ACER3: variants seen among roughly 807,000 people sequenced by gnomAD.
ACER3 encodes the protein alkCDase 3.
ACER3 carries 16 observed loss-of-function variants against 48.9 expected under a neutral mutation model. The observed-to-expected ratio is 0.33, with a 90% CI of 0.22 to 0.50. The LOEUF (loss-of-function observed/expected upper bound fraction) is 0.50, where lower values mean the gene tolerates loss of function less well. Among genes scored for constraint, ACER3 ranks in the 20% least tolerant of loss-of-function variants. The pLI is 0.98. For synonymous variants in ACER3, 109 were observed against 107.8 expected, an observed-to-expected ratio of 1.01 and a Z score of -0.07; for missense variants, 227 against 326.0, an observed-to-expected ratio of 0.70 and a Z score of 2.34.
At chr11:76,914,647 A>G (rs1946474238) in intron 1 of ACER3, among the ~76,000 whole-genome samples, 1 of 152,204 alleles carries the variant, frequency 6.6e-6, no homozygotes, top group African/African-American at 2.4e-5. Context: ...GCGATTCCTC[A>G]AGGATCTAGA....
At position 77,025,484 on chromosome 11, in the gene ACER3, T is replaced by G. The variant is rs1244642006; in HGVS notation, c.*5157T>G. 1.3e-5 allele frequency: 2 copies of G among 151,198 alleles called. No individual in the cohort carries two copies. The highest frequency in any genetic ancestry group is 4.9e-5 in the African/African-American group (2 of 40,924). 9.4% of individuals were successfully genotyped at this position (151,198 alleles called of 1,614,324 possible). A position where few individuals can be genotyped will look rare whatever the true frequency, so the allele number is the denominator to read the frequency against. ...GTGCAGTGGCAGGATCTCAACTCAT[T>G]GCAACCTCCGCCTCCCAAGGTTCAA... is the stretch of plus-strand genomic sequence containing the variant. On this transcript the variant is annotated 3_prime_UTR_variant, in exon 11 of 11. Transcript: ENST00000532485.
chr11:76,958,963 A>G lies in ACER3; in HGVS notation c.215-16A>G. 1.2e-6 allele frequency: 2 copies of G among 1,613,710 alleles called. No individual in the cohort carries two copies. The highest frequency in any genetic ancestry group is 1.7e-6 in the Non-Finnish European group (2 of 1,179,852). ...AAGAATTTCATGCTAATTTTTTTTCATTTGTTTAATTTCAGTGGTAGGAAT... is the reference window on the plus strand; with the variant it reads ...AAGAATTTCATGCTAATTTTTTTTCGTTTGTTTAATTTCAGTGGTAGGAAT... On this transcript the variant is annotated splice_polypyrimidine_tract_variant and intron_variant, in intron 2 of 10. Coordinates refer to ENST00000532485, the MANE Select transcript of ACER3 (RefSeq NM_018367.7).
chr11:76,908,741 A>G (rs564887941), intron 1 of ACER3, among the ~76,000 whole-genome samples: 3 of 152,312 alleles, frequency 2.0e-5, no homozygotes, highest in Admixed American at 6.5e-5. Context: ...AAAACTATTG[A>G]CTTTCTTCAC....
At chr11:76,934,506 C>T (rs770065744) in intron 2 of ACER3, among the ~76,000 whole-genome samples, 43 of 152,338 alleles carry the variant, frequency 2.8e-4, no homozygotes, top group Non-Finnish European at 4.7e-4. Context: ...GCCAACGCAG[C>T]GAAACCCCGT....
chr11:76,934,655 G>A (rs12797827), intron 2 of ACER3, among the ~76,000 whole-genome samples: 48,676 of 122,402 alleles, frequency 0.4, 12,258 homozygotes, highest in Non-Finnish European at 0.57. Context: ...GCTTTGGCTC[G>A]GCATCAGAGG....
intron 6 of ACER3, among the ~76,000 whole-genome samples, chr11:76,990,908 A>G (rs989109253): frequency 6.6e-6 from 1 of 152,256 alleles, no homozygotes; most frequent in African/African-American, 2.4e-5. Context: ...TAGAAAAGAC[A>G]GACTGAAAAT....
chr11:76,871,108 G>A (rs775298144), intron 1 of ACER3, among the ~76,000 whole-genome samples: 1 of 152,188 alleles, frequency 6.6e-6, no homozygotes, highest in Non-Finnish European at 1.5e-5. Context: ...GTGGCAAAGC[G>A]AAGATTTAAA....
chr11:76,987,753 A>C (rs187406756), intron 5 of ACER3, among the ~76,000 whole-genome samples: 6 of 152,322 alleles, frequency 3.9e-5, no homozygotes, highest in African/African-American at 1.4e-4. Flanking sequence ...GCTGGGCAAC[A>C]TAGTGAGACC....
rs142128336 is a variant in ACER3, at chr11:77,001,551, C to T, written c.497+2730C>T. 1.4e-3 allele frequency among the ~76,000 whole-genome samples: 212 copies of T among 152,244 alleles called. 1 individual carries two copies. The highest frequency in any genetic ancestry group is 4.7e-3 in the African/African-American group (195 of 41,544). On this transcript the variant is annotated intron_variant, in intron 7 of 10. Coordinates refer to ENST00000532485, the MANE Select transcript of ACER3 (RefSeq NM_018367.7). ...GATTACAGGTGTGAGACAACACGCTCGGCCCTGTAGATTTGTTTTTAAGAT... is the reference window on the plus strand; with the variant it reads ...GATTACAGGTGTGAGACAACACGCTTGGCCCTGTAGATTTGTTTTTAAGAT...
chr11:76,928,805 G>A (rs934180371), intron 2 of ACER3, among the ~76,000 whole-genome samples: 5 of 152,256 alleles, frequency 3.3e-5, no homozygotes, highest in East Asian at 1.9e-4. Flanking sequence ...GCTCTGTTCT[G>A]TTCCATTGGT....
chr11:76,911,312 ATAAGG>A (rs1467524992), intron 1 of ACER3, among the ~76,000 whole-genome samples: 1 of 152,144 alleles, frequency 6.6e-6, no homozygotes, highest in Non-Finnish European at 1.5e-5. Flanking sequence ...TCTGGACTAT[ATAAGG>A]TAACTTCCAG....
At chr11:76,879,313 G>GA (rs1945465867) in intron 1 of ACER3, among the ~76,000 whole-genome samples, 1 of 152,120 alleles carries the variant, frequency 6.6e-6, no homozygotes, top group African/African-American at 2.4e-5. Context: ...GTAAGGTAGG[G>GA]ATTGAAGTTT....
In ACER3 at chr11:77,024,447, A is replaced by G. The variant is rs1949522700; in HGVS notation, c.*4120A>G. 6.6e-6 allele frequency: 1 copy of G among 152,146 alleles called. No individual in the cohort carries two copies. Among genetic ancestry groups the G allele is most frequent in the Non-Finnish European group, 1.5e-5 (1 of 68,032 alleles). The allele number at this position is 152,146 out of a possible 1,614,324, so 9.4% of individuals were successfully genotyped here. The stretch of plus-strand genomic sequence containing the variant: ...CCCAGTCAGCTTCATATACCCAGAT[A>G]TGGACACTTCTACACGTGAAATTCA... On this transcript the variant is annotated 3_prime_UTR_variant, in exon 11 of 11. Coordinates refer to ENST00000532485, the MANE Select transcript of ACER3 (RefSeq NM_018367.7).
In ACER3 at chr11:76,882,880, T is replaced by C. The variant is rs1403239027; in HGVS notation, c.103+21801T>C. Among the ~76,000 whole-genome samples, 7 of 152,342 alleles carry C rather than the reference T, an allele frequency of 4.6e-5. No homozygotes were observed. In the South Asian group the frequency reaches 6.2e-4, roughly 14 times the overall value. On this transcript the variant is annotated intron_variant, in intron 1 of 10. Coordinates refer to ENST00000532485, the MANE Select transcript of ACER3 (RefSeq NM_018367.7). The stretch of plus-strand genomic sequence containing the variant: ...TAGCTGAACTTCTTTCAACCTGTTA[T>C]ATGCACGTGTGGTTCATGGTTCAAT...
At chr11:76,868,127 C>T (rs753661922) in intron 1 of ACER3, 1 of 1,289,742 alleles carries the variant, frequency 7.8e-7, no homozygotes, top group South Asian at 1.2e-5. Context: ...CAGGTTCCTT[C>T]CTACCATCCT....
chr11:76,943,335 T>A (rs1470208911), intron 2 of ACER3, among the ~76,000 whole-genome samples: 2 of 152,082 alleles, frequency 1.3e-5, no homozygotes, highest in Non-Finnish European at 2.9e-5. Context: ...TTTTGCTGTA[T>A]ACCACCAGTT....
At chr11:76,918,903 C>T (rs1278653702) in intron 1 of ACER3, among the ~76,000 whole-genome samples, 1 of 152,170 alleles carries the variant, frequency 6.6e-6, no homozygotes, top group African/African-American at 2.4e-5. Context: ...CTACATCCAT[C>T]TCTGAAGTCT....
Position 76,998,747 on chromosome 11 carries a change from T to C in ACER3, c.439-16T>C, listed in dbSNP as rs782305860. On this transcript the variant is annotated splice_polypyrimidine_tract_variant and intron_variant, in intron 6 of 10. Transcript: ENST00000532485. ...CAATAATGATTGTACTAACCTCATT[T>C]TCCGTTCCTATTTAGGTCATGTATG... 2 of 1,582,012 alleles carry C rather than the reference T, an allele frequency of 1.3e-6. No individual in the cohort carries two copies. The highest frequency in any genetic ancestry group is 2.3e-5 in the South Asian group (2 of 86,100).
chr11:76,952,668 CTTTT>C (rs398016733), intron 2 of ACER3, among the ~76,000 whole-genome samples: 5 of 133,000 alleles, frequency 3.8e-5, no homozygotes, highest in South Asian at 2.4e-4. Context: ...CGTAAGATTT[CTTTT>C]TTTTTTTTTT....
Sources: allele counts gnomAD v4.1 joint callset (sites outside exome capture counted in the v4.1 genomes callset), GRCh38; gene constraint gnomAD v4.1.1; transcripts MANE v1.5; gene names NCBI Gene and HGNC (gene_info 2026-07-23, HGNC 2026-07-21).